The following RANBP3 variants were observed in gnomAD, a reference collection of about 807,000 sequenced individuals.
RANBP3 encodes ran-binding protein 3.
A neutral mutation model predicts 77.3 loss-of-function variants in RANBP3; 14 were observed. The observed-to-expected ratio is 0.18, with a 90% CI of 0.12 to 0.28. The LOEUF (loss-of-function observed/expected upper bound fraction) is 0.28, where lower values mean the gene tolerates loss of function less well. Ranked by LOEUF, RANBP3 falls within the 10% of genes least tolerant of loss-of-function variation. The pLI is 1.00. For synonymous variants in RANBP3, 315 were observed against 312.4 expected (o/e 1.01, Z -0.09); for missense variants, 586 against 752.3 (o/e 0.78, Z 2.59).
intron 1 of RANBP3, among the ~76,000 whole-genome samples, chr19:5,972,798 A>G (rs1400180358): frequency 1.3e-5 from 2 of 152,052 alleles, no homozygotes; most frequent in Non-Finnish European, 2.9e-5. Flanking sequence ...AGCTCACCCC[A>G]TTCCTGCTGC....
At chr19:5,953,746 A>G (rs532162668) in intron 2 of RANBP3, among the ~76,000 whole-genome samples, 1 of 152,234 alleles carries the variant, frequency 6.6e-6, no homozygotes, top group African/African-American at 2.4e-5. Flanking sequence ...CCCCGGAAAC[A>G]ATGGTGCATG....
chr19:5,941,006 C>A (rs1406115043), intron 5 of RANBP3, among the ~76,000 whole-genome samples: 2 of 152,236 alleles, frequency 1.3e-5, no homozygotes, highest in Non-Finnish European at 2.9e-5. Context: ...TCAGACCAGG[C>A]CTCACGTCCA....
At chr19:5,935,183 C>T (rs960499237) in intron 5 of RANBP3, among the ~76,000 whole-genome samples, 1 of 152,336 alleles carries the variant, frequency 6.6e-6, no homozygotes, top group Non-Finnish European at 1.5e-5. Context: ...CCAAGGAAGA[C>T]CCCTCTCCCG....
chr19:5,960,672 G>GA (rs1358197510), intron 1 of RANBP3, among the ~76,000 whole-genome samples: 1 of 152,236 alleles, frequency 6.6e-6, no homozygotes, highest in Admixed American at 6.5e-5. Flanking sequence ...GGCTAGAAGA[G>GA]AGAGAACCAT....
chr19:5,925,788 G>T (rs1326705859), intron 9 of RANBP3, 51 bp from the exon 10 acceptor site: 6 of 1,475,050 alleles, frequency 4.1e-6, no homozygotes, highest in Non-Finnish European at 5.7e-6. Context: ...GGTGCCTGGA[G>T]TTCCACAGCT....
chr19:5,977,174 G>A (rs1453959324), intron 1 of RANBP3, among the ~76,000 whole-genome samples: 1 of 152,174 alleles, frequency 6.6e-6, no homozygotes, highest in Non-Finnish European at 1.5e-5. Context: ...CAGACAGGTA[G>A]AGAGCTTGCC....
intron 1 of RANBP3, among the ~76,000 whole-genome samples, chr19:5,960,381 C>T (rs2058385434): frequency 6.6e-6 from 1 of 152,170 alleles, no homozygotes; most frequent in Admixed American, 6.5e-5. Flanking sequence ...TGGAAGAGAC[C>T]TTGGACAGGC....
rs1055852996 is a variant in RANBP3, at chr19:5,931,211, A to T, written c.693+193T>A. On this transcript the variant is annotated intron_variant, in intron 8 of 16. Transcript: ENST00000340578. ...CCTGACCAGCAAGACCACCCTTGGG[A>T]ATCTAGATCTGGTTTGTCAGGTACT... 2.0e-5 allele frequency among the ~76,000 whole-genome samples: 3 copies of T among 152,174 alleles called. No homozygotes were observed. In the East Asian group the frequency reaches 5.8e-4, roughly 29 times the overall value.
intron 3 of RANBP3, chr19:5,950,855 A>AAG (rs746617269): frequency 6.3e-6 from 1 of 157,758 alleles, no homozygotes; most frequent in East Asian, 1.9e-4. Flanking sequence ...GGTTCAAAGG[A>AAG]AGAGTCTTTT....
intron 1 of RANBP3, chr19:5,974,299 G>A (rs1252799231): frequency 7.9e-5 from 12 of 152,332 alleles, no homozygotes; most frequent in Middle Eastern, 3.4e-3. Context: ...GGCCTTTCAT[G>A]TCAGGATCTA....
At chr19:5,939,611 G>A (rs184365263) in intron 5 of RANBP3, among the ~76,000 whole-genome samples, 243 of 152,286 alleles carry the variant, frequency 1.6e-3, no homozygotes, top group Middle Eastern at 0.01. Context: ...AGGCGGGGGA[G>A]GGAACAAGAG....
chr19:5,930,216 G>A (rs368166668), intron 8 of RANBP3, among the ~76,000 whole-genome samples: 3 of 152,222 alleles, frequency 2.0e-5, no homozygotes, highest in Non-Finnish European at 4.4e-5. Flanking sequence ...CTTCCAAGCC[G>A]CAGAATGCGG....
At chr19:5,927,281 A>C (rs960200688) in intron 9 of RANBP3, among the ~76,000 whole-genome samples, 1 of 152,090 alleles carries the variant, frequency 6.6e-6, no homozygotes, top group African/African-American at 2.4e-5. Context: ...CACAATCTCC[A>C]AACTAGGACC....
At position 5,916,224 on chromosome 19, in the gene RANBP3, C is replaced by A. The variant is rs773840936; in HGVS notation, c.*1386G>T. 6.6e-6 allele frequency: 1 copy of A among 152,222 alleles called. No homozygotes were observed. The highest frequency in any genetic ancestry group is 1.5e-5 in the Non-Finnish European group (1 of 68,032). The allele number at this position is 152,222 out of a possible 1,614,324, so 9.4% of individuals were successfully genotyped here. ...GTTCCAAAACACATGGGCGTTATCT[C>A]GTTGTACTCGTCACTAGCTGGCTAA... On this transcript the variant is annotated 3_prime_UTR_variant, in exon 17 of 17. Coordinates refer to ENST00000340578, the MANE Select transcript of RANBP3 (RefSeq NM_007322.3).
chr19:5,965,764 A>G (rs1032537670), intron 1 of RANBP3: 6 of 152,242 alleles, frequency 3.9e-5, no homozygotes, highest in Non-Finnish European at 5.9e-5. Context: ...CTGCCATGAT[A>G]TGCACAGCAA....
At chr19:5,942,216 C>T (rs949286250) in intron 3 of RANBP3, among the ~76,000 whole-genome samples, 5 of 152,172 alleles carry the variant, frequency 3.3e-5, no homozygotes, top group Non-Finnish European at 4.4e-5. Flanking sequence ...TTGAGGGCAG[C>T]GGACTTGTGT....
At chr19:5,973,957 C>A (rs922546019) in intron 1 of RANBP3, among the ~76,000 whole-genome samples, 2 of 152,172 alleles carry the variant, frequency 1.3e-5, no homozygotes, top group African/African-American at 4.8e-5. Context: ...ACCCAGCTCT[C>A]TGAGGACCAA....
chr19:5,922,934 T>G (rs1368041768), intron 13 of RANBP3, among the ~76,000 whole-genome samples: 1 of 152,116 alleles, frequency 6.6e-6, no homozygotes, highest in Non-Finnish European at 1.5e-5. Context: ...AGTAAGACAT[T>G]GTCTCAAAAA....
intron 3 of RANBP3, among the ~76,000 whole-genome samples, chr19:5,943,637 T>C (rs2058167323): frequency 6.6e-6 from 1 of 152,194 alleles, no homozygotes; most frequent in Non-Finnish European, 1.5e-5. Context: ...CCGTGTGAGC[T>C]GACAACATGG....
Sources: gnomAD v4.1 joint callset for allele counts (sites outside exome capture counted in the v4.1 genomes callset) on GRCh38, gnomAD v4.1.1 for gene constraint, MANE v1.5 for transcripts, NCBI Gene and HGNC (gene_info 2026-07-23, HGNC 2026-07-21) for gene names.